Variants in LRRTM4 observed in about 807,000 individuals in gnomAD.
The protein encoded by LRRTM4 is leucine rich repeat transmembrane neuronal 4, also known as leucine-rich repeat transmembrane neuronal protein 4.
Under a neutral mutation model 47.6 loss-of-function variants are expected in LRRTM4, and 25 were observed. The ratio of observed to expected loss-of-function variants is 0.53; its 90% CI spans 0.38 to 0.73. The LOEUF (loss-of-function observed/expected upper bound fraction) is 0.73, where lower values mean the gene tolerates loss of function less well. Ranked by LOEUF, LRRTM4 falls within the 30% of genes least tolerant of loss-of-function variation. The pLI is 0.00. For missense variants in LRRTM4, 638 were observed against 713.4 expected, an observed-to-expected ratio of 0.89 and a Z score of 1.20; for synonymous variants, 311 against 269.5, an observed-to-expected ratio of 1.15 and a Z score of -1.51.
chr2:77,056,301 C>A (rs1045890384), intron 3 of LRRTM4, among the ~76,000 whole-genome samples: 3 of 152,072 alleles, frequency 2.0e-5, no homozygotes, highest in African/African-American at 7.2e-5. Context: ...AAACTTGCTT[C>A]AAGAATAAGA....
At chr2:77,210,219 C>G (rs1044671045) in intron 3 of LRRTM4, among the ~76,000 whole-genome samples, 9 of 152,168 alleles carry the variant, frequency 5.9e-5, no homozygotes, top group Admixed American at 1.3e-4. Flanking sequence ...CTCATGATGT[C>G]TCTTTTTCAT....
chr2:77,256,622 ATGACTTTG>A (rs1675776110), intron 3 of LRRTM4, among the ~76,000 whole-genome samples: 1 of 152,156 alleles, frequency 6.6e-6, no homozygotes, highest in Admixed American at 6.6e-5. Flanking sequence ...TATTTAAGAC[ATGACTTTG>A]TTTCTCCTTG....
chr2:76,805,930 G>A (rs1675941923), intron 3 of LRRTM4, among the ~76,000 whole-genome samples: 1 of 152,014 alleles, frequency 6.6e-6, no homozygotes, highest in Non-Finnish European at 1.5e-5. Flanking sequence ...CTCTATCTCT[G>A]TTATTGTGGT....
intron 3 of LRRTM4, among the ~76,000 whole-genome samples, chr2:77,166,706 A>T (rs1672896384): frequency 6.6e-6 from 1 of 152,212 alleles, no homozygotes; most frequent in Non-Finnish European, 1.5e-5. Flanking sequence ...GCAATGGGGA[A>T]ATGATTCCCT....
chr2:76,937,401 G>A (rs1292209015), intron 3 of LRRTM4, among the ~76,000 whole-genome samples: 1 of 152,134 alleles, frequency 6.6e-6, no homozygotes, highest in Non-Finnish European at 1.5e-5. Flanking sequence ...GATGTGATGG[G>A]AAATTGGCAC....
At chr2:76,794,427 T>C (rs1342835375) in intron 3 of LRRTM4, among the ~76,000 whole-genome samples, 1 of 152,202 alleles carries the variant, frequency 6.6e-6, no homozygotes, top group African/African-American at 2.4e-5. Context: ...CTTTACCAGA[T>C]ATTCCAGCTA....
intron 3 of LRRTM4, among the ~76,000 whole-genome samples, chr2:76,792,460 A>G (rs905795489): frequency 1.3e-5 from 2 of 151,924 alleles, no homozygotes; most frequent in Non-Finnish European, 2.9e-5. Flanking sequence ...GGTAATCCAA[A>G]GATAGAAGGA....
chr2:76,968,355 T>C (rs1327378420), intron 3 of LRRTM4, among the ~76,000 whole-genome samples: 3 of 111,768 alleles, frequency 2.7e-5, no homozygotes, highest in Non-Finnish European at 3.8e-5. Flanking sequence ...TATATATATA[T>C]ATATATATAT....
chr2:77,432,342 C>G (rs1238846168), intron 3 of LRRTM4, among the ~76,000 whole-genome samples: 1 of 152,134 alleles, frequency 6.6e-6, no homozygotes, highest in Non-Finnish European at 1.5e-5. Context: ...ACTGTTACAT[C>G]GTCGATTAGC....
chr2:77,022,013 C>G (rs568998302), intron 3 of LRRTM4, among the ~76,000 whole-genome samples: 1 of 152,188 alleles, frequency 6.6e-6, no homozygotes, highest in Admixed American at 6.5e-5. Context: ...CTGTATGAGT[C>G]CATTTCATGC....
intron 3 of LRRTM4, among the ~76,000 whole-genome samples, chr2:77,476,725 T>C (rs951461327): frequency 3.3e-5 from 5 of 152,106 alleles, no homozygotes; most frequent in African/African-American, 9.7e-5. Flanking sequence ...TTTATAGTAA[T>C]GGACCGAGTT....
Position 76,954,207 on chromosome 2 carries a change from C to A in LRRTM4, c.1552-205291G>T, listed in dbSNP as rs1675595805. ...TAGAAATAAGGCCTAATCAAAGAAA[C>A]AAAATAAATTTTTAGAAACAAACTC... On this transcript the variant is annotated intron_variant, in intron 3 of 3. Transcript: ENST00000409884. 2.6e-5 allele frequency among the ~76,000 whole-genome samples: 4 copies of A among 151,634 alleles called. No homozygotes were observed. In the South Asian group the frequency reaches 8.3e-4, roughly 32 times the overall value.
intron 3 of LRRTM4, among the ~76,000 whole-genome samples, chr2:76,802,067 A>C (rs1192970470): frequency 6.6e-6 from 1 of 152,192 alleles, no homozygotes; most frequent in Non-Finnish European, 1.5e-5. Context: ...GGAACAAGAC[A>C]AGGATGCCCA....
chr2:77,318,080 CACT>C lies in LRRTM4; in HGVS notation c.1551+200235_1551+200237del, dbSNP rs564173752. On this transcript the variant is annotated intron_variant, in intron 3 of 3. Coordinates refer to ENST00000409884, the MANE Select transcript of LRRTM4 (RefSeq NM_001134745.3). ...GGAGTGCAGTGGCGCGATCTTGGCT[CACT>C]ACAAGCTCCGCCTCCCAGGTTCACG... is the stretch of plus-strand genomic sequence containing the variant. Among the ~76,000 whole-genome samples, 106 of 143,526 alleles carry C rather than the reference CACT, an allele frequency of 7.4e-4. 1 individual carries two copies. Among genetic ancestry groups the C allele is most frequent in the Non-Finnish European group, 1.2e-3 (83 of 67,080 alleles). 94.2% of individuals were successfully genotyped at this position (143,526 alleles called of 152,430 possible).
At chr2:77,242,644 C>CA (rs1446554954) in intron 3 of LRRTM4, among the ~76,000 whole-genome samples, 3 of 151,212 alleles carry the variant, frequency 2.0e-5, no homozygotes, top group African/African-American at 7.3e-5. Flanking sequence ...TGGATACTAT[C>CA]AAAAAAACAA....
intron 3 of LRRTM4, among the ~76,000 whole-genome samples, chr2:77,052,100 C>A (rs907345411): frequency 3.0e-5 from 4 of 133,110 alleles, no homozygotes; most frequent in Non-Finnish European, 4.8e-5. Context: ...CAAAGGAATA[C>A]AAAAGGATTC....
intron 3 of LRRTM4, among the ~76,000 whole-genome samples, chr2:77,024,087 C>T (rs949824208): frequency 5.9e-5 from 9 of 152,146 alleles, no homozygotes; most frequent in Admixed American, 5.2e-4. Context: ...AGGGAGACCC[C>T]TGATAAAACC....
At chr2:77,276,528 A>G (rs1016343594) in intron 3 of LRRTM4, among the ~76,000 whole-genome samples, 1 of 150,676 alleles carries the variant, frequency 6.6e-6, no homozygotes, top group Admixed American at 6.7e-5. Context: ...GTGTATATAG[A>G]TATAGGCTTT....
chr2:76,861,846 A>T (rs1458134494), intron 3 of LRRTM4, among the ~76,000 whole-genome samples: 1 of 152,164 alleles, frequency 6.6e-6, no homozygotes, highest in Non-Finnish European at 1.5e-5. Context: ...TTAAACGTAG[A>T]ATGACACTTA....
Sources: allele counts gnomAD v4.1 joint callset (sites outside exome capture counted in the v4.1 genomes callset), GRCh38; gene constraint gnomAD v4.1.1; transcripts MANE v1.5; gene names NCBI Gene and HGNC (gene_info 2026-07-23, HGNC 2026-07-21).